The following CRISPLD2 variants were observed in gnomAD, a reference collection of about 807,000 sequenced individuals.
CRISPLD2 encodes the protein cysteine rich secretory protein LCCL domain containing 2.
In CRISPLD2, 47 loss-of-function variants were observed where a neutral mutation model predicts 71.1. The ratio of observed to expected loss-of-function variants is 0.66; its 90% CI spans 0.52 to 0.84. The LOEUF is 0.84. Among genes scored for constraint, CRISPLD2 ranks in the 40% least tolerant of loss-of-function variants. The pLI is 0.00. For missense variants in CRISPLD2, 830 were observed against 651.1 expected, an observed-to-expected ratio of 1.27 and a Z score of -2.99; for synonymous variants, 317 against 250.1, an observed-to-expected ratio of 1.27 and a Z score of -2.52.
intron 2 of CRISPLD2, chr16:84,840,114 C>T (rs980268424): frequency 1.3e-5 from 2 of 152,266 alleles, no homozygotes; most frequent in African/African-American, 4.8e-5. Flanking sequence ...CACCCATGGC[C>T]CCCTGCTGTG....
At chr16:84,880,132 C>A (rs1205028063) in intron 12 of CRISPLD2, among the ~76,000 whole-genome samples, 1 of 152,180 alleles carries the variant, frequency 6.6e-6, no homozygotes, top group Non-Finnish European at 1.5e-5. Flanking sequence ...TAGAAAAAGT[C>A]TCTTGATGCT....
intron 10 of CRISPLD2, chr16:84,873,583 A>G: frequency 4.0e-6 from 1 of 249,058 alleles, no homozygotes; most frequent in Non-Finnish European, 7.4e-6. Context: ...CATGATATTA[A>G]TAATAACTTC....
At chr16:84,883,428 G>C (rs753014521) in intron 13 of CRISPLD2, among the ~76,000 whole-genome samples, 1 of 152,196 alleles carries the variant, frequency 6.6e-6, no homozygotes, top group African/African-American at 2.4e-5. Context: ...GCTGAGCCAC[G>C]GCGGTGACAT....
Position 84,885,669 on chromosome 16 carries a change from A to C in CRISPLD2, c.1306-3561A>C, listed in dbSNP as rs181788985. Reference sequence around the variant, plus strand: ...AGTTTTTAGAAAGTGGCCTTCAGTTACTCGGTAAATGAATCCTGGAAAGCA... The same window carrying C: ...AGTTTTTAGAAAGTGGCCTTCAGTTCCTCGGTAAATGAATCCTGGAAAGCA... On this transcript the variant is annotated intron_variant, in intron 13 of 14. Coordinates refer to ENST00000262424, the MANE Select transcript of CRISPLD2 (RefSeq NM_031476.4). 2.4e-3 allele frequency among the ~76,000 whole-genome samples: 358 copies of C among 152,288 alleles called. 3 individuals are homozygous for C. The highest frequency in any genetic ancestry group is 8.4e-3 in the African/African-American group (349 of 41,540).
chr16:84,898,979 C>A (rs561655793), intron 14 of CRISPLD2, among the ~76,000 whole-genome samples: 2 of 152,134 alleles, frequency 1.3e-5, no homozygotes, highest in Non-Finnish European at 2.9e-5. Flanking sequence ...TGCACCATTG[C>A]ACTCCTGGAC....
At chr16:84,866,863 G>T (rs1057128100) in intron 6 of CRISPLD2, 34 bp from the exon 7 acceptor site, 2 of 1,598,832 alleles carry the variant, frequency 1.3e-6, no homozygotes, top group Non-Finnish European at 1.7e-6. Flanking sequence ...GAATCCCAGT[G>T]TGTTATTTTT....
At chr16:84,869,009 T>G (rs1917619740) in intron 8 of CRISPLD2, 98 bp downstream of exon 8, 1 of 1,061,016 alleles carries the variant, frequency 9.4e-7, no homozygotes, top group South Asian at 1.6e-5. Flanking sequence ...GCTGTCCTGC[T>G]GTTGCATATT....
intron 7 of CRISPLD2, 103 bp downstream of exon 7, chr16:84,867,143 AC>A: frequency 2.0e-5 from 25 of 1,250,892 alleles, no homozygotes; most frequent in Non-Finnish European, 2.8e-5. Context: ...CTGCAAATCC[AC>A]AGGCAGTGGC....
At chr16:84,890,173 A>G (rs1228794907) in intron 14 of CRISPLD2, among the ~76,000 whole-genome samples, 1 of 151,954 alleles carries the variant, frequency 6.6e-6, no homozygotes, top group Non-Finnish European at 1.5e-5. Context: ...CCTGGCTAAC[A>G]TGATGAAACC....
intron 14 of CRISPLD2, among the ~76,000 whole-genome samples, chr16:84,891,611 T>A (rs987372726): frequency 2.0e-5 from 3 of 150,972 alleles, no homozygotes; most frequent in Non-Finnish European, 2.9e-5. Flanking sequence ...TTTATTGAGC[T>A]CTTTGTACCC....
intron 5 of CRISPLD2, 53 bp from the exon 6 acceptor site, chr16:84,854,676 C>G: frequency 2.2e-6 from 3 of 1,344,284 alleles, no homozygotes; most frequent in Non-Finnish European, 3.2e-6. Context: ...GGATCAGTCC[C>G]GAGGCCTCAC....
intron 14 of CRISPLD2, among the ~76,000 whole-genome samples, chr16:84,896,968 G>A (rs183053425): frequency 6.6e-6 from 1 of 152,210 alleles, no homozygotes; most frequent in African/African-American, 2.4e-5. Flanking sequence ...CCTTAATCCC[G>A]TCTGTGTGTT....
intron 1 of CRISPLD2, among the ~76,000 whole-genome samples, chr16:84,834,688 G>C (rs1479139466): frequency 2.6e-5 from 4 of 152,182 alleles, no homozygotes; most frequent in African/African-American, 9.7e-5. Context: ...TTCAACAATA[G>C]GAATTTAGAT....
chr16:84,838,318 T>C, intron 1 of CRISPLD2, 104 bp from the exon 2 acceptor site: 1 of 726,516 alleles, frequency 1.4e-6, no homozygotes, highest in South Asian at 1.8e-5. Flanking sequence ...TTTCCGCATC[T>C]GTAAAATGGA....
chr16:84,875,893 C>G (rs1046392506), intron 11 of CRISPLD2, among the ~76,000 whole-genome samples: 1 of 152,030 alleles, frequency 6.6e-6, no homozygotes, highest in African/African-American at 2.4e-5. Context: ...AATGTTCTTC[C>G]AAACCTAATG....
In CRISPLD2 at chr16:84,867,470, G is replaced by C. The variant is rs1917573152; in HGVS notation, c.853+430G>C. Among the ~76,000 whole-genome samples the C allele has an allele frequency of 3.3e-5, 5 of 152,346 alleles. No individual in the cohort carries two copies. In the South Asian group the frequency reaches 1.0e-3, roughly 32 times the overall value. On this transcript the variant is annotated intron_variant, in intron 7 of 14. Transcript: ENST00000262424. ...GCGCATCCATGAAGTAGGGGATAGAGATGCCACATCAAGGTTGCCCGGAGG... is the reference window on the plus strand; with the variant it reads ...GCGCATCCATGAAGTAGGGGATAGACATGCCACATCAAGGTTGCCCGGAGG...
intron 11 of CRISPLD2, among the ~76,000 whole-genome samples, chr16:84,876,481 G>C (rs1419127167): frequency 1.4e-5 from 2 of 143,216 alleles, no homozygotes; most frequent in South Asian, 4.5e-4. Flanking sequence ...CAGCCTGGGC[G>C]ACAGAGTGAG....
chr16:84,865,626 A>G (rs919472597), intron 6 of CRISPLD2, among the ~76,000 whole-genome samples: 3 of 152,092 alleles, frequency 2.0e-5, no homozygotes, highest in African/African-American at 7.2e-5. Context: ...GCATAGGAGG[A>G]GCATGCCATA....
At chr16:84,902,453 GA>G (rs200529329) in intron 14 of CRISPLD2, among the ~76,000 whole-genome samples, 1,970 of 151,388 alleles carry the variant, frequency 0.013, 44 homozygotes, top group African/African-American at 0.046. Flanking sequence ...ACTAAAAATA[GA>G]AAAAAATTAG....
Sources: allele counts gnomAD v4.1 joint callset (sites outside exome capture counted in the v4.1 genomes callset), GRCh38; gene constraint gnomAD v4.1.1; transcripts MANE v1.5; gene names NCBI Gene and HGNC (gene_info 2026-07-23, HGNC 2026-07-21).